PTPRQ: variants seen among roughly 807,000 people sequenced by gnomAD.
PTPRQ encodes protein tyrosine phosphatase receptor type Q, also known as phosphatidylinositol phosphatase PTPRQ.
In PTPRQ, 199 loss-of-function variants were observed where a neutral mutation model predicts 246.0. That is an observed-to-expected ratio of 0.81 (90% CI 0.72 to 0.91). The LOEUF is 0.91. PTPRQ is among the 40% of genes least tolerant of loss of function. The pLI is 0.00. For missense variants in PTPRQ, 2,624 were observed against 2,528.4 expected (o/e 1.04, Z -0.81); for synonymous variants, 869 against 853.2 (o/e 1.02, Z -0.32).
intron 17 of PTPRQ, among the ~76,000 whole-genome samples, chr12:80,515,140 C>A (rs570050883): frequency 1.3e-5 from 2 of 151,998 alleles, no homozygotes; most frequent in East Asian, 1.9e-4. Context: ...TTAGTGATCA[C>A]TAATCTTTTT....
At chr12:80,453,474 G>A (rs1054401719) in intron 3 of PTPRQ, among the ~76,000 whole-genome samples, 40 of 150,270 alleles carry the variant, frequency 2.7e-4, no homozygotes, top group African/African-American at 8.8e-4. Flanking sequence ...TTTCTGCTCT[G>A]TTTTTTCCCC....
chr12:80,648,546 C>A (rs1374126819), intron 35 of PTPRQ, among the ~76,000 whole-genome samples: 1 of 151,942 alleles, frequency 6.6e-6, no homozygotes, highest in African/African-American at 2.4e-5. Context: ...TTTTTAAAAT[C>A]CACATTAGCT....
At chr12:80,533,929 G>A (rs1895913545) in intron 17 of PTPRQ, 86 bp from the exon 18 acceptor site, 4 of 981,964 alleles carry the variant, frequency 4.1e-6, no homozygotes, top group Non-Finnish European at 4.2e-6. Flanking sequence ...ATATATTAAT[G>A]TTGTTTACTT....
At chr12:80,527,488 A>G (rs73147057) in intron 17 of PTPRQ, among the ~76,000 whole-genome samples, 26,722 of 152,026 alleles carry the variant, frequency 0.18, 2,531 homozygotes, top group Middle Eastern at 0.24. Context: ...GGGAAGAAAC[A>G]TGAATAATTA....
At chr12:80,462,975 G>C (rs1592534342) in intron 6 of PTPRQ, among the ~76,000 whole-genome samples, 1 of 151,974 alleles carries the variant, frequency 6.6e-6, no homozygotes. Context: ...CTCCTCCAAA[G>C]GATGGCAGTT....
In PTPRQ at chr12:80,587,995, G is replaced by A; in HGVS notation, c.4286-134G>A. 4 of 908,156 alleles carry A rather than the reference G, an allele frequency of 4.4e-6. No individual in the cohort carries two copies. In the South Asian group the frequency reaches 7.3e-5, roughly 16 times the overall value. The allele number at this position is 908,156 out of a possible 1,614,324, so 56.3% of individuals were successfully genotyped here. On this transcript the variant is annotated intron_variant, in intron 25 of 44. Coordinates refer to ENST00000644991, the MANE Select transcript of PTPRQ (RefSeq NM_001145026.2). ...CTAAGGTTCTTCTCATTAAGTGTGG[G>A]GATAATTAATCTAAGAGCTATAGTA...
chr12:80,673,670 G>A (rs1340472262), intron 43 of PTPRQ, among the ~76,000 whole-genome samples: 1 of 152,052 alleles, frequency 6.6e-6, no homozygotes, highest in African/African-American at 2.4e-5. Flanking sequence ...TTATAAATGG[G>A]AAAACAGTTT....
chr12:80,630,630 A>G (rs1311975665), intron 33 of PTPRQ, among the ~76,000 whole-genome samples: 1 of 152,190 alleles, frequency 6.6e-6, no homozygotes, highest in Non-Finnish European at 1.5e-5. Context: ...TAAATGTCCA[A>G]TTCCCCATTA....
chr12:80,554,078 AG>A (rs112515664), intron 25 of PTPRQ, among the ~76,000 whole-genome samples: 26 of 146,280 alleles, frequency 1.8e-4, no homozygotes, highest in South Asian at 9.5e-4. Context: ...TAGGAGGGGC[AG>A]GGGGGGTAGG....
intron 44 of PTPRQ, 91 bp from the exon 45 acceptor site, chr12:80,678,895 T>G: frequency 6.8e-7 from 1 of 1,463,708 alleles, no homozygotes; most frequent in Non-Finnish European, 9.0e-7. Context: ...ATAATACCCT[T>G]TCTGTCTACA....
At chr12:80,451,111 G>T (rs575206758) in intron 3 of PTPRQ, among the ~76,000 whole-genome samples, 2 of 152,312 alleles carry the variant, frequency 1.3e-5, no homozygotes, top group East Asian at 1.9e-4. Flanking sequence ...TCTTGGGAGG[G>T]TGTATGTGTC....
At chr12:80,647,842 TTA>T (rs1900125488) in intron 35 of PTPRQ, among the ~76,000 whole-genome samples, 1 of 152,070 alleles carries the variant, frequency 6.6e-6, no homozygotes, top group Non-Finnish European at 1.5e-5. Flanking sequence ...GTCTATCACT[TTA>T]TGTTTACCCT....
intron 1 of PTPRQ, 112 bp downstream of exon 1, chr12:80,444,511 C>T: frequency 1.3e-6 from 1 of 747,852 alleles, no homozygotes; most frequent in South Asian, 1.7e-5. Context: ...GAAATGCTGA[C>T]TTAGGCTGTG....
intron 25 of PTPRQ, among the ~76,000 whole-genome samples, chr12:80,565,700 A>G (rs983659653): frequency 5.3e-5 from 8 of 152,208 alleles, no homozygotes; most frequent in Non-Finnish European, 1.0e-4. Context: ...AATTTTAATA[A>G]TAGCAAAATT....
intron 30 of PTPRQ, 38 bp from the exon 31 acceptor site, chr12:80,619,346 T>C: frequency 4.6e-6 from 7 of 1,532,454 alleles, no homozygotes; most frequent in Non-Finnish European, 6.2e-6. Flanking sequence ...GATGAAACAA[T>C]AACATCAATT....
At chr12:80,585,120 T>G (rs966255013) in intron 25 of PTPRQ, among the ~76,000 whole-genome samples, 2 of 152,032 alleles carry the variant, frequency 1.3e-5, no homozygotes, top group Non-Finnish European at 1.5e-5. Context: ...TAGTATTTGA[T>G]TTCTCCTTCT....
intron 25 of PTPRQ, among the ~76,000 whole-genome samples, chr12:80,560,083 A>G (rs1896780230): frequency 6.6e-6 from 1 of 152,236 alleles, no homozygotes; most frequent in Non-Finnish European, 1.5e-5. Flanking sequence ...TTTAGTGACA[A>G]TAACAAACAT....
In PTPRQ at chr12:80,546,630, T is replaced by C; in HGVS notation, c.3948T>C (p.Ser1316=). The C allele has an allele frequency of 6.4e-7, 1 of 1,551,514 alleles. No homozygotes were observed. The highest frequency in any genetic ancestry group is 8.7e-7 in the Non-Finnish European group (1 of 1,146,876). ...TCAGCACCTACTCTATCCGTGTATC[T>C]GCGTTCACCAAAGTTGGAAATGGCA... is the stretch of plus-strand genomic sequence containing the variant. ...EPVSTYSIRV[S]AFTKVGNGNQ... Residue 1316 remains serine (S), a synonymous_variant, in exon 24 of 45, where the codon TCT becomes TCC. Transcript: ENST00000644991.
At chr12:80,666,418 A>G (rs1242667390) in intron 39 of PTPRQ, among the ~76,000 whole-genome samples, 1 of 151,960 alleles carries the variant, frequency 6.6e-6, no homozygotes, top group Non-Finnish European at 1.5e-5. Context: ...GAAGGGGAAG[A>G]GGTGAGAGTA....
Sources: gnomAD v4.1 joint callset for allele counts (sites outside exome capture counted in the v4.1 genomes callset) on GRCh38, gnomAD v4.1.1 for gene constraint, MANE v1.5 for transcripts, NCBI Gene and HGNC (gene_info 2026-07-23, HGNC 2026-07-21) for gene names.